RHOBTB1: variants seen among roughly 807,000 people sequenced by gnomAD.
The protein encoded by RHOBTB1 is rho-related BTB domain-containing protein 1.
RHOBTB1 carries 40 observed loss-of-function variants against 71.6 expected under a neutral mutation model. That is an observed-to-expected ratio of 0.56 (90% CI 0.43 to 0.73). RHOBTB1 has a LOEUF of 0.73. Ranked by LOEUF, RHOBTB1 falls within the 30% of genes least tolerant of loss-of-function variation. RHOBTB1 has a pLI of 0.00. For synonymous variants in RHOBTB1, 319 were observed against 334.9 expected (o/e 0.95, Z 0.52); for missense variants, 797 against 894.0 (o/e 0.89, Z 1.38).
chr10:61,000,915 T>A (rs1445215916), intron 1 of RHOBTB1, among the ~76,000 whole-genome samples: 1 of 152,190 alleles, frequency 6.6e-6, no homozygotes, highest in Non-Finnish European at 1.5e-5. Context: ...GGGCCGGGCA[T>A]GAGGAGCTGC....
chr10:60,938,209 C>G (rs996689399), intron 2 of RHOBTB1, among the ~76,000 whole-genome samples: 2 of 152,118 alleles, frequency 1.3e-5, no homozygotes, highest in Non-Finnish European at 2.9e-5. Flanking sequence ...TATCTTTGCA[C>G]GACTGGAATT....
intron 2 of RHOBTB1, among the ~76,000 whole-genome samples, chr10:60,926,564 G>A (rs2083896779): frequency 6.6e-6 from 1 of 152,130 alleles, no homozygotes; most frequent in Non-Finnish European, 1.5e-5. Context: ...AGGGATGTAA[G>A]GATGGTTCAA....
At position 60,986,404 on chromosome 10, in the gene RHOBTB1, G is replaced by GATATATATATAT. The variant is rs34154360; in HGVS notation, c.-162-471_-162-460dup. Reference sequence around the variant, plus strand: ...AGAAATTAATGAAATATAAATAAAAGATATATATATATATATATATATATA... The same window carrying GATATATATATAT: ...AGAAATTAATGAAATATAAATAAAAGATATATATATATATATATATATATATATATATATATA... On this transcript the variant is annotated intron_variant, in intron 1 of 11. Coordinates refer to the RHOBTB1 transcript ENST00000357917. 2.0e-3 allele frequency among the ~76,000 whole-genome samples: 134 copies of GATATATATATAT among 67,618 alleles called. 2 individuals carry two copies. Among genetic ancestry groups the GATATATATATAT allele is most frequent in the African/African-American group, 4.9e-3 (122 of 25,080 alleles). The allele number at this position is 67,618 out of a possible 152,430, so 44.4% of individuals were successfully genotyped here.
chr10:60,950,022 G>A (rs2085359428), intron 2 of RHOBTB1, among the ~76,000 whole-genome samples: 2 of 152,176 alleles, frequency 1.3e-5, no homozygotes, highest in Non-Finnish European at 2.9e-5. Context: ...TGGTAAAAAT[G>A]TGATTTTGCA....
At chr10:60,882,485 T>TA (rs2081370041) in intron 7 of RHOBTB1, among the ~76,000 whole-genome samples, 1 of 152,148 alleles carries the variant, frequency 6.6e-6, no homozygotes, top group Non-Finnish European at 1.5e-5. Flanking sequence ...ATAAGTAAGA[T>TA]ACAATGTTTT....
chr10:60,885,653 G>A (rs550467924), intron 7 of RHOBTB1, among the ~76,000 whole-genome samples: 1 of 152,288 alleles, frequency 6.6e-6, no homozygotes, highest in Non-Finnish European at 1.5e-5. Flanking sequence ...GCTTCTCAAG[G>A]TCCCCTGTCT....
chr10:60,898,668 C>T (rs1476794571), intron 4 of RHOBTB1, among the ~76,000 whole-genome samples: 1 of 152,192 alleles, frequency 6.6e-6, no homozygotes, highest in Non-Finnish European at 1.5e-5. Flanking sequence ...CAAGTTAATA[C>T]TTTACCAATA....
intron 1 of RHOBTB1, among the ~76,000 whole-genome samples, chr10:60,999,845 C>A (rs2087195072): frequency 6.6e-6 from 1 of 152,212 alleles, no homozygotes; most frequent in Non-Finnish European, 1.5e-5. Context: ...CTTCACCCAA[C>A]CGTAAGGTAA....
intron 2 of RHOBTB1, among the ~76,000 whole-genome samples, chr10:60,912,074 TC>T (rs1207458575): frequency 2.0e-5 from 3 of 152,132 alleles, no homozygotes; most frequent in Non-Finnish European, 4.4e-5. Context: ...TAGAGAATAA[TC>T]AAAAGTGCAG....
chr10:60,986,023 G>T (rs1253750592), intron 1 of RHOBTB1: 1 of 152,130 alleles, frequency 6.6e-6, no homozygotes, highest in Non-Finnish European at 1.5e-5. Context: ...AGTTTCTCAT[G>T]TCAGTGATTA....
intron 2 of RHOBTB1, among the ~76,000 whole-genome samples, chr10:60,960,575 A>G (rs1222109939): frequency 1.3e-5 from 2 of 152,216 alleles, no homozygotes; most frequent in Admixed American, 6.5e-5. Flanking sequence ...TGGATGGAAT[A>G]TTAATACTGG....
At chr10:60,996,508 T>C (rs964904112) in intron 1 of RHOBTB1, among the ~76,000 whole-genome samples, 1 of 152,122 alleles carries the variant, frequency 6.6e-6, no homozygotes, top group African/African-American at 2.4e-5. Flanking sequence ...TGTCCACCAT[T>C]GTAGATGACC....
At chr10:60,911,642 TCCA>T (rs1247152968) in intron 2 of RHOBTB1, 90 bp from the exon 3 acceptor site, 8 of 995,610 alleles carry the variant, frequency 8.0e-6, no homozygotes, top group Non-Finnish European at 1.1e-5. Flanking sequence ...TTTGCCTTCG[TCCA>T]GCCACTTCCT....
chr10:60,862,772 CT>C, the RHOBTB1 span, among the ~76,000 whole-genome samples: 13 of 143,506 alleles, frequency 9.1e-5, no homozygotes, highest in Non-Finnish European at 1.8e-4. Flanking sequence ...TCTTTTTCCT[CT>C]TTTCCTCTTT....
At chr10:60,887,030 A>G (rs2081619126) in intron 6 of RHOBTB1, among the ~76,000 whole-genome samples, 1 of 151,764 alleles carries the variant, frequency 6.6e-6, no homozygotes, top group South Asian at 2.1e-4. Flanking sequence ...TATATTGTTC[A>G]TATTCAAATT....
At chr10:60,974,390 T>C (rs1036313745) in intron 2 of RHOBTB1, among the ~76,000 whole-genome samples, 6 of 152,064 alleles carry the variant, frequency 3.9e-5, no homozygotes, top group Non-Finnish European at 8.8e-5. Flanking sequence ...ATAGTTTCTC[T>C]TTGTTTTTCA....
chr10:60,948,217 G>T (rs2134356914), upstream of RHOBTB1, among the ~76,000 whole-genome samples: 1 of 152,198 alleles, frequency 6.6e-6, no homozygotes, highest in South Asian at 2.1e-4. Context: ...ATTCTGGGGT[G>T]GTAGAATTCT....
chr10:60,868,281 TTCTA>T (rs2080649931), downstream of RHOBTB1, among the ~76,000 whole-genome samples: 1 of 152,182 alleles, frequency 6.6e-6, no homozygotes, highest in African/African-American at 2.4e-5. Context: ...TCTGTCTATC[TTCTA>T]TCTCTCTATC....
chr10:60,929,965 C>T (rs903658117), intron 2 of RHOBTB1, among the ~76,000 whole-genome samples: 1 of 152,124 alleles, frequency 6.6e-6, no homozygotes, highest in African/African-American at 2.4e-5. Flanking sequence ...GGCCATAAGG[C>T]CCCAAATCCC....
Sources: gnomAD v4.1 joint callset for allele counts (sites outside exome capture counted in the v4.1 genomes callset) on GRCh38, gnomAD v4.1.1 for gene constraint, MANE v1.5 for transcripts, NCBI Gene and HGNC (gene_info 2026-07-23, HGNC 2026-07-21) for gene names.